The following ELP6 variants were observed in gnomAD, a reference collection of about 807,000 sequenced individuals.
ELP6 encodes the protein elongator acetyltransferase complex subunit 6, also known as elongator complex protein 6.
In ELP6, 23 loss-of-function variants were observed where a neutral mutation model predicts 28.1. The observed-to-expected ratio is 0.82, with a 90% CI of 0.59 to 1.16. The LOEUF (loss-of-function observed/expected upper bound fraction) is 1.16. Ranked by LOEUF, ELP6 falls within the 50% of genes most tolerant of loss-of-function variation. The pLI, the probability that ELP6 is intolerant of heterozygous loss-of-function variation, is 0.00. For missense variants in ELP6, 313 were observed against 334.6 expected, an observed-to-expected ratio of 0.94 and a Z score of 0.50; for synonymous variants, 132 against 135.8, an observed-to-expected ratio of 0.97 and a Z score of 0.19.
At chr3:47,499,710 A>C in intron 5 of ELP6, 1 of 983,300 alleles carries the variant, frequency 1.0e-6, no homozygotes, top group South Asian at 4.2e-5. Context: ...AAAAAAAAAA[A>C]AAAAGAATAG....
At chr3:47,500,380 T>A in intron 5 of ELP6, 1 of 273,550 alleles carries the variant, frequency 3.7e-6, no homozygotes, top group African/African-American at 2.3e-5. Flanking sequence ...TGAGACCAAG[T>A]CTCTACAAAA....
chr3:47,499,204 C>T (rs146873819), intron 5 of ELP6, among the ~76,000 whole-genome samples: 260 of 152,268 alleles, frequency 1.7e-3, no homozygotes, highest in African/African-American at 5.8e-3. Flanking sequence ...TAGTGAGACC[C>T]TGTCTCTATT....
intron 3 of ELP6, among the ~76,000 whole-genome samples, chr3:47,507,959 T>A (rs62260707): frequency 1.6e-5 from 1 of 63,372 alleles, no homozygotes; most frequent in Non-Finnish European, 4.0e-5. Context: ...GTAGCCAGTT[T>A]AGATATGCGA....
At position 47,495,845 on chromosome 3, in the gene ELP6, C is replaced by T. The variant is rs917532348; in HGVS notation, c.*224G>A. On this transcript the variant is annotated 3_prime_UTR_variant, in exon 7 of 7. Transcript: ENST00000296149. ...CTTTCACTTGGGTCTAGCATCCAGCCTCTCTCTCAGCAAAGGCAGGATTGT... is the reference window on the plus strand; with the variant it reads ...CTTTCACTTGGGTCTAGCATCCAGCTTCTCTCTCAGCAAAGGCAGGATTGT... 2 of 617,216 alleles carry T rather than the reference C, an allele frequency of 3.2e-6. No homozygotes were observed. The highest frequency in any genetic ancestry group is 5.1e-6 in the Non-Finnish European group (2 of 391,208). 38.2% of individuals were successfully genotyped at this position (617,216 alleles called of 1,614,324 possible).
At chr3:47,498,116 G>A in intron 6 of ELP6, 170 bp downstream of exon 6, 1 of 1,358,448 alleles carries the variant, frequency 7.4e-7, no homozygotes, top group East Asian at 2.5e-5. Flanking sequence ...ATGAGGCTAA[G>A]CGCAATCTGG....
In ELP6 at chr3:47,500,175, T is replaced by C. The variant is rs560867107; in HGVS notation, c.525+1475A>G. On this transcript the variant is annotated intron_variant, in intron 5 of 6. Coordinates refer to ENST00000296149, the MANE Select transcript of ELP6 (RefSeq NM_001031703.3). ...GAAAAGAATGAAGCAGATCCATGTG[T>C]TATTTTTGGGCAATGGACAACAAAA... is the stretch of plus-strand genomic sequence containing the variant. 61 of 1,127,460 alleles carry C rather than the reference T, an allele frequency of 5.4e-5. 1 individual carries two copies. In the South Asian group the frequency reaches 1.2e-3, roughly 22 times the overall value. 69.8% of individuals were successfully genotyped at this position (1,127,460 alleles called of 1,614,324 possible).
At position 47,495,918 on chromosome 3, in the gene ELP6, A is replaced by T. The variant is rs1034137708; in HGVS notation, c.*151T>A. On this transcript the variant is annotated 3_prime_UTR_variant, in exon 7 of 7. Coordinates refer to ENST00000296149, the MANE Select transcript of ELP6 (RefSeq NM_001031703.3). ...GGGCCCAGGGCAGCCAAGGCATGCCATCACTGCAGCACTCAACCCTCTGGT... is the reference window on the plus strand; with the variant it reads ...GGGCCCAGGGCAGCCAAGGCATGCCTTCACTGCAGCACTCAACCCTCTGGT... 5 of 1,346,108 alleles carry T rather than the reference A, an allele frequency of 3.7e-6. No individual in the cohort carries two copies. The African/African-American group carries it at 6.0e-5, about 16-fold the overall frequency. The allele number at this position is 1,346,108 out of a possible 1,614,324, so 83.4% of individuals were successfully genotyped here.
intron 4 of ELP6, chr3:47,503,278 G>C (rs1014952595): frequency 3.1e-6 from 4 of 1,275,486 alleles, no homozygotes; most frequent in Admixed American, 2.4e-5. Flanking sequence ...AAGGCAGTGG[G>C]GGAAGTTCCT....
chr3:47,508,938 G>A (rs866112466), intron 3 of ELP6, among the ~76,000 whole-genome samples: 1 of 151,772 alleles, frequency 6.6e-6, no homozygotes, highest in Non-Finnish European at 1.5e-5. Flanking sequence ...CTAATTTTTC[G>A]TATGTTTAGT....
chr3:47,509,461 G>A (rs978764600), intron 3 of ELP6, among the ~76,000 whole-genome samples: 1 of 152,248 alleles, frequency 6.6e-6, no homozygotes, highest in Non-Finnish European at 1.5e-5. Flanking sequence ...TTGCCTGCCT[G>A]TGTCTGATGT....
At chr3:47,504,294 C>A in intron 4 of ELP6, 36 bp downstream of exon 4, 1 of 1,550,538 alleles carries the variant, frequency 6.4e-7, no homozygotes, top group Non-Finnish European at 8.7e-7. Context: ...CCACCTGCCA[C>A]GTGTTGCTTC....
intron 5 of ELP6, chr3:47,500,035 A>T: frequency 7.8e-7 from 1 of 1,289,314 alleles, no homozygotes. Flanking sequence ...GCTCTCGCAC[A>T]TCCATGCTTT....
intron 5 of ELP6, chr3:47,498,759 A>C: frequency 1.0e-6 from 1 of 969,688 alleles, no homozygotes; most frequent in Non-Finnish European, 1.2e-6. Context: ...CCATTCATTC[A>C]GTCAACAGTT....
intron 4 of ELP6, 157 bp downstream of exon 4, chr3:47,504,169 GAGCC>G (rs1708754750): frequency 1.1e-6 from 1 of 871,480 alleles, no homozygotes; most frequent in Non-Finnish European, 1.7e-6. Flanking sequence ...CCCATGATAA[GAGCC>G]AGCATTTGAT....
At chr3:47,509,999 A>T (rs1184169037) in intron 3 of ELP6, 185 bp downstream of exon 3, 2 of 509,040 alleles carry the variant, frequency 3.9e-6, no homozygotes, top group African/African-American at 1.9e-5. Context: ...TGACCTCGTG[A>T]TCTGCCCATC....
chr3:47,503,343 A>T (rs1708724213), intron 4 of ELP6: 3 of 1,289,602 alleles, frequency 2.3e-6, no homozygotes, highest in African/African-American at 3.0e-5. Context: ...GAGTCTTCAC[A>T]GAGCTATGTT....
chr3:47,509,014 T>C (rs908927575), intron 3 of ELP6, among the ~76,000 whole-genome samples: 4 of 152,124 alleles, frequency 2.6e-5, no homozygotes, highest in African/African-American at 9.7e-5. Flanking sequence ...TCTGCCCACC[T>C]CAGCCTCTCA....
chr3:47,510,427 T>G, intron 2 of ELP6, among the ~76,000 whole-genome samples, 173 bp from the exon 3 acceptor site: 1 of 152,314 alleles, frequency 6.6e-6, no homozygotes, highest in Admixed American at 6.5e-5. Flanking sequence ...AACAGTTATA[T>G]CTTATTTTAC....
Position 47,510,195 on chromosome 3 carries a change from C to T in ELP6, c.193G>A (p.Gly65Arg), listed in dbSNP as rs781610982. The change falls in exon 3 of 7, where the codon GGA (glycine) becomes AGA (arginine). Residue 65 changes from glycine (G) to arginine (R), a missense_variant. Transcript: ENST00000296149. ...IQSFSHYSIV[G>R]QKLGVSLTMA... ...TCCAAAATATTTACCAGCTTCTGTCCCACGATACTGTAGTGGCTGAAGGAC... is the reference window on the plus strand; with the variant it reads ...TCCAAAATATTTACCAGCTTCTGTCTCACGATACTGTAGTGGCTGAAGGAC... 1.9e-6 allele frequency: 3 copies of T among 1,613,636 alleles called. No homozygotes were observed. The highest frequency in any genetic ancestry group is 2.5e-6 in the Non-Finnish European group (3 of 1,179,658).
Sources: allele counts gnomAD v4.1 joint callset (sites outside exome capture counted in the v4.1 genomes callset), GRCh38; gene constraint gnomAD v4.1.1; transcripts MANE v1.5; gene names NCBI Gene and HGNC (gene_info 2026-07-23, HGNC 2026-07-21).